The following CCSER1 variants were observed in gnomAD, a reference collection of about 807,000 sequenced individuals.
CCSER1 encodes coiled-coil serine rich protein 1, also known as serine-rich coiled-coil domain-containing protein 1.
Under a neutral mutation model 82.0 loss-of-function variants are expected in CCSER1, and 41 were observed. That is an observed-to-expected ratio of 0.50 (90% confidence interval 0.39 to 0.65). The LOEUF (loss-of-function observed/expected upper bound fraction) is 0.65. Ranked by LOEUF, CCSER1 falls within the 30% of genes least tolerant of loss-of-function variation. The probability of loss-of-function intolerance (pLI) is 0.00; values close to 1 mark genes in which losing one functional copy is unlikely to be tolerated. For missense variants in CCSER1, 1,119 were observed against 1,064.2 expected (o/e 1.05, Z -0.72); for synonymous variants, 414 against 383.9 (o/e 1.08, Z -0.92).
At chr4:91,247,720 T>G (rs2149140312) in intron 10 of CCSER1, among the ~76,000 whole-genome samples, 1 of 152,194 alleles carries the variant, frequency 6.6e-6, no homozygotes, top group South Asian at 2.1e-4. Flanking sequence ...ATATAAAAAA[T>G]TAGCCGGGTG....
chr4:90,462,789 G>A (rs888618781), intron 4 of CCSER1, among the ~76,000 whole-genome samples: 5 of 152,044 alleles, frequency 3.3e-5, no homozygotes, highest in Middle Eastern at 3.2e-3. Flanking sequence ...CATTTTAAAA[G>A]AATATCATTT....
intron 8 of CCSER1, among the ~76,000 whole-genome samples, chr4:90,891,068 G>A (rs1345420812): frequency 1.3e-5 from 2 of 151,914 alleles, no homozygotes; most frequent in Non-Finnish European, 2.9e-5. Flanking sequence ...ATAGATTCAT[G>A]TAAATTAGAT....
chr4:90,519,362 A>G (rs1772769793), intron 5 of CCSER1, among the ~76,000 whole-genome samples: 1 of 151,910 alleles, frequency 6.6e-6, no homozygotes, highest in African/African-American at 2.4e-5. Flanking sequence ...GAAATGATAC[A>G]GTTGAGTGAC....
intron 5 of CCSER1, among the ~76,000 whole-genome samples, chr4:90,569,238 A>C (rs1469307115): frequency 6.6e-6 from 1 of 152,196 alleles, no homozygotes; most frequent in East Asian, 1.9e-4. Context: ...AATAAGAAAA[A>C]AAAAACATAA....
intron 10 of CCSER1, among the ~76,000 whole-genome samples, chr4:91,504,924 ATTATT>A (rs1017077045): frequency 6.6e-6 from 1 of 152,092 alleles, no homozygotes; most frequent in African/African-American, 2.4e-5. Context: ...TACCTCTCAA[ATTATT>A]TTATTCTTTA....
intron 5 of CCSER1, among the ~76,000 whole-genome samples, chr4:90,523,814 CA>C (rs1773422376): frequency 6.6e-6 from 1 of 151,844 alleles, no homozygotes. Context: ...AGAAGAAAGG[CA>C]TATCTGAAAA....
intron 10 of CCSER1, among the ~76,000 whole-genome samples, chr4:91,477,637 CTAAA>C (rs1460736427): frequency 1.3e-5 from 2 of 151,368 alleles, no homozygotes; most frequent in African/African-American, 2.4e-5. Context: ...GGTTATAATG[CTAAA>C]TAAATAATCA....
chr4:91,385,186 CTT>C (rs1398819250), intron 10 of CCSER1, among the ~76,000 whole-genome samples: 5 of 151,744 alleles, frequency 3.3e-5, no homozygotes, highest in Admixed American at 3.3e-4. Context: ...AATATCCAAA[CTT>C]AGTTGAATAA....
intron 6 of CCSER1, among the ~76,000 whole-genome samples, chr4:90,695,012 C>T (rs1736752640): frequency 2.0e-5 from 3 of 149,814 alleles, no homozygotes; most frequent in Admixed American, 6.7e-5. Context: ...TTTCAGAAGG[C>T]ATGTAGGGAG....
chr4:90,574,270 T>A, intron 5 of CCSER1, among the ~76,000 whole-genome samples: 1 of 134,422 alleles, frequency 7.4e-6, no homozygotes, highest in African/African-American at 3.0e-5. Context: ...TTTTTTTTTT[T>A]TTTTTTTTTG....
At chr4:91,162,836 T>A (rs1280718989) in intron 10 of CCSER1, among the ~76,000 whole-genome samples, 8 of 152,192 alleles carry the variant, frequency 5.3e-5, no homozygotes, top group African/African-American at 1.9e-4. Flanking sequence ...TCTTTATTAG[T>A]CTGGCTAGTG....
intron 1 of CCSER1, among the ~76,000 whole-genome samples, chr4:90,165,884 A>G (rs1055756769): frequency 1.3e-4 from 20 of 152,180 alleles, no homozygotes; most frequent in Non-Finnish European, 1.6e-4. Context: ...GAGTGAAACC[A>G]GAGGATCATT....
chr4:90,410,050 G>C (rs1016133841), intron 4 of CCSER1, among the ~76,000 whole-genome samples: 20 of 152,112 alleles, frequency 1.3e-4, no homozygotes, highest in African/African-American at 4.3e-4. Context: ...TTACATAATG[G>C]TAAAGGGATC....
At chr4:90,515,095 A>T (rs2153620528) in intron 5 of CCSER1, among the ~76,000 whole-genome samples, 1 of 152,200 alleles carries the variant, frequency 6.6e-6, no homozygotes, top group South Asian at 2.1e-4. Flanking sequence ...TGACCTTGTG[A>T]TCTGCCTGCC....
At chr4:90,506,502 C>T (rs1578861422) in intron 5 of CCSER1, among the ~76,000 whole-genome samples, 1 of 152,250 alleles carries the variant, frequency 6.6e-6, no homozygotes, top group East Asian at 1.9e-4. Context: ...GTGGCTCACG[C>T]CTGTAATCCT....
intron 5 of CCSER1, among the ~76,000 whole-genome samples, chr4:90,508,556 A>G (rs1371472630): frequency 3.3e-5 from 5 of 152,042 alleles, no homozygotes; most frequent in Non-Finnish European, 7.4e-5. Context: ...GAAAGGAGCA[A>G]ACTCTAAGTG....
chr4:91,041,327 G>T (rs1297760445), intron 9 of CCSER1, among the ~76,000 whole-genome samples: 1 of 152,048 alleles, frequency 6.6e-6, no homozygotes, highest in Non-Finnish European at 1.5e-5. Flanking sequence ...TATCCATTTT[G>T]GTCAGTGACA....
intron 1 of CCSER1, among the ~76,000 whole-genome samples, chr4:90,242,826 A>G (rs1305331046): frequency 6.6e-6 from 1 of 152,226 alleles, no homozygotes; most frequent in East Asian, 1.9e-4. Context: ...TTCAAACACC[A>G]CAAGGGACTT....
chr4:91,280,681 G>A (rs897792441), intron 10 of CCSER1, among the ~76,000 whole-genome samples: 1 of 152,150 alleles, frequency 6.6e-6, no homozygotes, highest in African/African-American at 2.4e-5. Flanking sequence ...TCGGCCACAG[G>A]TGGTGTCTAT....
Sources: allele counts gnomAD v4.1 joint callset (sites outside exome capture counted in the v4.1 genomes callset), GRCh38; gene constraint gnomAD v4.1.1; transcripts MANE v1.5; gene names NCBI Gene and HGNC (gene_info 2026-07-23, HGNC 2026-07-21).